Variants in C16orf96 observed in about 807,000 individuals in gnomAD.
C16orf96 encodes chromosome 16 open reading frame 96, also known as uncharacterized protein C16orf96.
A neutral mutation model predicts 103.6 loss-of-function variants in C16orf96; 108 were observed. The observed-to-expected ratio is 1.04, with a 90% confidence interval of 0.89 to 1.22. The LOEUF (loss-of-function observed/expected upper bound fraction) is 1.22. Ranked by LOEUF, C16orf96 falls within the 50% of genes most tolerant of loss-of-function variation. The probability of loss-of-function intolerance (pLI) is 0.00; values close to 1 mark genes in which losing one functional copy is unlikely to be tolerated. For synonymous variants in C16orf96, 566 were observed against 593.5 expected (o/e 0.95, Z 0.67); for missense variants, 1,586 against 1,464.2 (o/e 1.08, Z -1.36).
intron 7 of C16orf96, among the ~76,000 whole-genome samples, chr16:4,585,159 T>C (rs1267487338): frequency 6.6e-6 from 1 of 151,440 alleles, no homozygotes; most frequent in Non-Finnish European, 1.5e-5. Context: ...AAAATAAAAA[T>C]AAAAAGCATA....
rs1210275653 is a variant in C16orf96 at position 4,567,384 on chromosome 16, C to A, written c.421-4177C>A. 2.7e-5 allele frequency among the ~76,000 whole-genome samples: 4 copies of A among 148,536 alleles called. No individual in the cohort carries two copies. The East Asian group carries it at 8.0e-4, about 30-fold the overall frequency. ...CTGCAAGCTCAGACTCCTGGGTTCA[C>A]GCCATTCTCCTGCCTCAGCCTCCCA... On this transcript the variant is annotated intron_variant, in intron 1 of 15. Coordinates refer to ENST00000444310, the MANE Select transcript of C16orf96 (RefSeq NM_001145011.2).
At chr16:4,571,712 C>A in intron 2 of C16orf96, 47 bp downstream of exon 2, 1 of 1,391,848 alleles carries the variant, frequency 7.2e-7, no homozygotes, top group Non-Finnish European at 9.6e-7. Context: ...TTGCTCAGGC[C>A]TCTGGGGGTT....
At chr16:4,580,724 C>G (rs1228253090) in intron 7 of C16orf96, among the ~76,000 whole-genome samples, 2 of 151,972 alleles carry the variant, frequency 1.3e-5, no homozygotes, top group African/African-American at 4.8e-5. Context: ...CGGTGGTTCA[C>G]GCCTATAATC....
the C16orf96 span, among the ~76,000 whole-genome samples, chr16:4,548,715 A>G: frequency 6.6e-6 from 1 of 152,078 alleles, no homozygotes; most frequent in Non-Finnish European, 1.5e-5. Flanking sequence ...ACTACTAAAG[A>G]TACAAAAATT....
chr16:4,594,940 T>G (rs1301566229), intron 14 of C16orf96, 137 bp downstream of exon 14: 1 of 947,738 alleles, frequency 1.1e-6, no homozygotes, highest in South Asian at 1.6e-5. Context: ...TCACAAAAAT[T>G]GGGTCACAGC....
chr16:4,555,328 G>GT (rs767776722), upstream of C16orf96, among the ~76,000 whole-genome samples: 19 of 80,146 alleles, frequency 2.4e-4, no homozygotes, highest in Non-Finnish European at 5.0e-4. Flanking sequence ...ATGGAACACT[G>GT]TGGGGGGCCT....
the C16orf96 span, among the ~76,000 whole-genome samples, chr16:4,550,321 G>A: frequency 4.6e-5 from 7 of 152,116 alleles, no homozygotes; most frequent in Middle Eastern, 3.2e-3. Flanking sequence ...GTGACCTCAC[G>A]TGATCCGCCC....
chr16:4,551,769 T>C (rs1037086041), upstream of C16orf96, among the ~76,000 whole-genome samples: 4 of 152,126 alleles, frequency 2.6e-5, no homozygotes, highest in Admixed American at 1.3e-4. Flanking sequence ...TCTTTTTAAA[T>C]TCTGGGATAC....
upstream of C16orf96, among the ~76,000 whole-genome samples, chr16:4,551,583 C>T (rs28606635): frequency 0.17 from 26,025 of 152,038 alleles, 2,342 homozygotes; most frequent in Middle Eastern, 0.3. Flanking sequence ...TCCCCAGTAG[C>T]TGGGACTACA....
Position 4,589,390 on chromosome 16 carries a change from G to A in C16orf96, c.2592+1059G>A, listed in dbSNP as rs370926198. ...GCCCAGGAGTTCAAGACCAGCCTGG[G>A]CAACATGGTGAAACTCTGTCCCCCT... On this transcript the variant is annotated intron_variant, in intron 9 of 15. Coordinates refer to ENST00000444310, the MANE Select transcript of C16orf96 (RefSeq NM_001145011.2). 1.8e-3 allele frequency among the ~76,000 whole-genome samples: 263 copies of A among 146,238 alleles called. 3 individuals are homozygous for A. Among genetic ancestry groups the A allele is most frequent in the African/African-American group, 6.1e-3 (242 of 39,736 alleles).
Position 4,575,356 on chromosome 16 carries a change from C to G in C16orf96, c.876C>G (p.Gly292=). Residue 292 remains glycine, a synonymous_variant, in exon 5 of 16, where the codon GGC becomes GGG. Transcript: ENST00000444310. Reference sequence around the variant, plus strand: ...AGGTCCCAGAGCTCCTCCCGGAGGGCTCATCTGCCCAAGCAGTTTCACTCA... The same window carrying G: ...AGGTCCCAGAGCTCCTCCCGGAGGGGTCATCTGCCCAAGCAGTTTCACTCA... ...HYEVPELLPE[G]SSAQAVSLSR... 6.4e-7 allele frequency: 1 copy of G among 1,551,214 alleles called. No individual in the cohort carries two copies. The highest frequency in any genetic ancestry group is 8.7e-7 in the Non-Finnish European group (1 of 1,146,994).
intron 7 of C16orf96, among the ~76,000 whole-genome samples, chr16:4,582,378 C>G (rs2141737055): frequency 6.6e-6 from 1 of 152,164 alleles, no homozygotes; most frequent in African/African-American, 2.4e-5. Flanking sequence ...GGGGCTGTTG[C>G]TGGGATGCAC....
Position 4,556,641 on chromosome 16 carries a change from A to T in C16orf96, c.152A>T (p.Asp51Val). The change falls in exon 1 of 16, where the codon GAC becomes GTC. Residue 51 changes from aspartate (D) to valine (V), a missense_variant. Coordinates refer to ENST00000444310, the MANE Select transcript of C16orf96 (RefSeq NM_001145011.2). ...ELKKVLSGDEDFLQTSQVVIM... is the reference protein window; with the variant it reads ...ELKKVLSGDEVFLQTSQVVIM... ...AAGAAAGTCCTCTCAGGCGATGAGG[A>T]CTTCCTGCAGACCTCGCAGGTGGTC... 1.3e-6 allele frequency: 2 copies of T among 1,551,674 alleles called. No individual in the cohort carries two copies. The highest frequency in any genetic ancestry group is 1.7e-6 in the Non-Finnish European group (2 of 1,146,962).
chr16:4,558,757 A>G lies in C16orf96; in HGVS notation c.420+1848A>G, dbSNP rs569944058. The stretch of plus-strand genomic sequence containing the variant: ...TGGTGAAACCCTGTCTCTACTAAAA[A>G]TACAAAAATTAGCTGGGCATGCTTG... On this transcript the variant is annotated intron_variant, in intron 1 of 15. Coordinates refer to ENST00000444310, the MANE Select transcript of C16orf96 (RefSeq NM_001145011.2). 2.7e-4 allele frequency among the ~76,000 whole-genome samples: 41 copies of G among 152,130 alleles called. 1 individual carries two copies. The South Asian group carries it at 8.5e-3, about 32-fold the overall frequency.
At chr16:4,592,894 CA>C (rs1400916417) in intron 11 of C16orf96, among the ~76,000 whole-genome samples, 1 of 152,202 alleles carries the variant, frequency 6.6e-6, no homozygotes, top group African/African-American at 2.4e-5. Flanking sequence ...AGGCTGGTCT[CA>C]AACTCCTGAC....
chr16:4,569,217 C>T (rs554436641), intron 1 of C16orf96, among the ~76,000 whole-genome samples: 2 of 151,546 alleles, frequency 1.3e-5, no homozygotes, highest in East Asian at 3.9e-4. Flanking sequence ...ATCCACTGGC[C>T]TCAGCCTCCC....
chr16:4,540,989 C>T, the C16orf96 span, among the ~76,000 whole-genome samples: 20 of 151,600 alleles, frequency 1.3e-4, no homozygotes, highest in East Asian at 2.8e-3. Flanking sequence ...TCTCGGCTCA[C>T]TGCAACCTCC....
chr16:4,549,389 C>T, the C16orf96 span, among the ~76,000 whole-genome samples: 2 of 149,620 alleles, frequency 1.3e-5, no homozygotes, highest in Non-Finnish European at 1.5e-5. Context: ...AGGAGAATGG[C>T]GTGAACCTGG....
chr16:4,587,296 G>A (rs910675959), intron 8 of C16orf96, among the ~76,000 whole-genome samples, 183 bp downstream of exon 8: 1 of 151,486 alleles, frequency 6.6e-6, no homozygotes, highest in Non-Finnish European at 1.5e-5. Context: ...GGCCAAGGCG[G>A]GTGGATCACC....
Sources: gnomAD v4.1 joint callset for allele counts (sites outside exome capture counted in the v4.1 genomes callset) on GRCh38, gnomAD v4.1.1 for gene constraint, MANE v1.5 for transcripts, NCBI Gene and HGNC (gene_info 2026-07-23, HGNC 2026-07-21) for gene names.